The following SIAE variants were observed in gnomAD, a reference collection of about 807,000 sequenced individuals.
SIAE encodes the protein sialic acid acetylesterase, also known as sialate O-acetylesterase.
SIAE carries 39 observed loss-of-function variants against 52.6 expected under a neutral mutation model. That is an observed-to-expected ratio of 0.74 (90% CI 0.57 to 0.97). The LOEUF is 0.97. Ranked by LOEUF, SIAE falls within the 50% of genes least tolerant of loss-of-function variation. The probability of loss-of-function intolerance (pLI) is 0.00; values close to 1 mark genes in which losing one functional copy is unlikely to be tolerated. For missense variants in SIAE, 592 were observed against 662.1 expected, an observed-to-expected ratio of 0.89 and a Z score of 1.16; for synonymous variants, 233 against 241.4, an observed-to-expected ratio of 0.97 and a Z score of 0.32.
chr11:124,657,456 GACTGGGA>G, intron 3 of SIAE, among the ~76,000 whole-genome samples: 1 of 152,328 alleles, frequency 6.6e-6, no homozygotes, highest in East Asian at 1.9e-4. Context: ...CTTCCGCACT[GACTGGGA>G]ACTCAAGTGC....
intron 2 of SIAE, among the ~76,000 whole-genome samples, chr11:124,667,149 A>T (rs1031921944): frequency 6.6e-6 from 1 of 152,180 alleles, no homozygotes; most frequent in Non-Finnish European, 1.5e-5. Context: ...TTATTTTTAA[A>T]CCACAGCAGT....
chr11:124,650,857 G>A (rs1307159919), intron 4 of SIAE, among the ~76,000 whole-genome samples: 2 of 152,170 alleles, frequency 1.3e-5, no homozygotes, highest in Admixed American at 6.5e-5. Context: ...GATAAGTGAT[G>A]GGAAATTCGG....
upstream of SIAE, chr11:124,675,202 C>T (rs570728747): frequency 1.9e-6 from 3 of 1,543,862 alleles, no homozygotes; most frequent in Admixed American, 4.3e-5. Context: ...TAAAATCAGA[C>T]AAATTTAAAG....
At chr11:124,642,306 GTATT>G (rs1942861911) in intron 7 of SIAE, among the ~76,000 whole-genome samples, 1 of 152,200 alleles carries the variant, frequency 6.6e-6, no homozygotes, top group African/African-American at 2.4e-5. Context: ...GTCAGCTCAT[GTATT>G]TATTCATGCT....
intron 9 of SIAE, 88 bp downstream of exon 9, chr11:124,638,454 G>A (rs540837113): frequency 2.3e-5 from 33 of 1,420,254 alleles, no homozygotes; most frequent in Middle Eastern, 1.8e-4. Flanking sequence ...CCGCCACATC[G>A]TAATAACAAA....
intron 3 of SIAE, among the ~76,000 whole-genome samples, chr11:124,656,011 A>G (rs957926615): frequency 6.6e-6 from 1 of 152,346 alleles, no homozygotes; most frequent in Admixed American, 6.5e-5. Context: ...AAAATTATTT[A>G]AAAATATTGT....
intron 7 of SIAE, 137 bp downstream of exon 7, chr11:124,647,228 A>G (rs1164531473): frequency 1.7e-5 from 20 of 1,174,540 alleles, no homozygotes; most frequent in Non-Finnish European, 2.1e-5. Context: ...CCAGCACATT[A>G]TGAGGACAAA....
At position 124,636,069 on chromosome 11, in the gene SIAE, T is replaced by C. The variant is rs975840810; in HGVS notation, c.*882A>G. On this transcript the variant is annotated 3_prime_UTR_variant, in exon 10 of 10. Coordinates refer to ENST00000263593, the MANE Select transcript of SIAE (RefSeq NM_170601.5). ...ATTTATATTTAACTCGAACAACAGT[T>C]TGCCTCTGTTGCCCCTGTGTTCATG... The C allele has an allele frequency of 6.6e-6, 1 of 152,188 alleles. No homozygotes were observed. The highest frequency in any genetic ancestry group is 2.4e-5 in the African/African-American group (1 of 41,436). The allele number at this position is 152,188 out of a possible 1,614,324, so 9.4% of individuals were successfully genotyped here.
At chr11:124,647,191 G>A (rs368844370) in intron 7 of SIAE, among the ~76,000 whole-genome samples, 174 bp downstream of exon 7, 1 of 152,130 alleles carries the variant, frequency 6.6e-6, no homozygotes. Flanking sequence ...GAACTGAGAT[G>A]AAGTAAGCCT....
At chr11:124,639,531 G>T (rs1407591176) in intron 8 of SIAE, among the ~76,000 whole-genome samples, 179 bp downstream of exon 8, 1 of 152,180 alleles carries the variant, frequency 6.6e-6, no homozygotes, top group African/African-American at 2.4e-5. Flanking sequence ...GAAATAAATT[G>T]TTGGTGCATC....
At chr11:124,638,837 A>G (rs963043212) in intron 8 of SIAE, 100 bp from the exon 9 acceptor site, 3 of 947,648 alleles carry the variant, frequency 3.2e-6, no homozygotes, top group Non-Finnish European at 1.6e-6. Context: ...TATGAAAGTA[A>G]GAATAAAGTT....
intron 5 of SIAE, among the ~76,000 whole-genome samples, chr11:124,648,455 G>C (rs1942972170): frequency 6.7e-6 from 1 of 150,062 alleles, no homozygotes; most frequent in Non-Finnish European, 1.5e-5. Flanking sequence ...CTTTATTGTT[G>C]AGTTTCTCAC....
chr11:124,643,347 A>G (rs1942878989), intron 7 of SIAE, among the ~76,000 whole-genome samples: 1 of 152,194 alleles, frequency 6.6e-6, no homozygotes, highest in African/African-American at 2.4e-5. Flanking sequence ...TGCTGACCTC[A>G]GCACACGGGG....
At position 124,634,985 on chromosome 11, in the gene SIAE, ACAT is replaced by A. The variant is rs1284740664; in HGVS notation, c.*1963_*1965del. The A allele has an allele frequency of 6.6e-6, 1 of 152,352 alleles. No individual in the cohort carries two copies. Among genetic ancestry groups the A allele is most frequent in the Non-Finnish European group, 1.5e-5 (1 of 68,034 alleles). The allele number at this position is 152,352 out of a possible 1,614,324, so 9.4% of individuals were successfully genotyped here. A position where few individuals can be genotyped will look rare whatever the true frequency, so the allele number is the denominator to read the frequency against. ...ATTTGGGGAAATGCAGTGAATTCCC[ACAT>A]CATGTTTTAAATTACTCAGCCACTA... is the stretch of plus-strand genomic sequence containing the variant. On this transcript the variant is annotated 3_prime_UTR_variant, in exon 10 of 10. Transcript: ENST00000263593.
At chr11:124,648,509 A>G (rs2134365362) in intron 5 of SIAE, among the ~76,000 whole-genome samples, 1 of 152,268 alleles carries the variant, frequency 6.6e-6, no homozygotes, top group Non-Finnish European at 1.5e-5. Context: ...TTTATTAAAT[A>G]AACCTTTATT....
intron 2 of SIAE, among the ~76,000 whole-genome samples, chr11:124,663,410 ACTAAAAATACAAAAATGAG>A: frequency 6.6e-6 from 1 of 152,204 alleles, no homozygotes; most frequent in African/African-American, 2.4e-5. Context: ...CCCTGTCTCT[ACTAAAAATACAAAAATGAG>A]CTGGGCATGG....
chr11:124,671,951 T>C (rs1943366299), intron 1 of SIAE, among the ~76,000 whole-genome samples: 1 of 150,234 alleles, frequency 6.7e-6, no homozygotes, highest in Admixed American at 6.6e-5. Flanking sequence ...TTTTTTTTGA[T>C]ATCTTTAGTA....
chr11:124,661,565 C>T (rs545932895), intron 2 of SIAE, among the ~76,000 whole-genome samples: 1 of 152,266 alleles, frequency 6.6e-6, no homozygotes, highest in East Asian at 1.9e-4. Context: ...CCATCACCCT[C>T]CTACCTCTCA....
upstream of SIAE, chr11:124,675,409 A>G: frequency 6.2e-7 from 1 of 1,608,520 alleles, no homozygotes; most frequent in Non-Finnish European, 8.5e-7. Flanking sequence ...CCTTCTAGAG[A>G]AAAGAGAGAG....
Sources: gnomAD v4.1 joint callset for allele counts (sites outside exome capture counted in the v4.1 genomes callset) on GRCh38, gnomAD v4.1.1 for gene constraint, MANE v1.5 for transcripts, NCBI Gene and HGNC (gene_info 2026-07-23, HGNC 2026-07-21) for gene names.